Variants in ASB2 observed in about 807,000 individuals in gnomAD.
The protein encoded by ASB2 is ankyrin repeat and SOCS box containing 2.
Under a neutral mutation model 62.4 loss-of-function variants are expected in ASB2, and 58 were observed. That is an observed-to-expected ratio of 0.93 (90% CI 0.75 to 1.16). ASB2 has a LOEUF of 1.16. Among genes scored for constraint, ASB2 ranks in the 50% most tolerant of loss-of-function variants. ASB2 has a pLI of 0.00. For missense variants in ASB2, 928 were observed against 887.9 expected (o/e 1.05, Z -0.57); for synonymous variants, 386 against 385.3 (o/e 1.00, Z -0.02).
intron 1 of ASB2, among the ~76,000 whole-genome samples, chr14:93,971,289 C>T (rs116395202): frequency 3.0e-3 from 448 of 151,610 alleles, no homozygotes; most frequent in African/African-American, 0.01. Context: ...GGGATCTCCA[C>T]GCCCTCCCCC....
chr14:93,949,510 T>A (rs1197638656), intron 6 of ASB2, among the ~76,000 whole-genome samples: 1 of 152,204 alleles, frequency 6.6e-6, no homozygotes, highest in African/African-American at 2.4e-5. Flanking sequence ...GCTCAGCAAA[T>A]GCCAGTTGCT....
intron 2 of ASB2, among the ~76,000 whole-genome samples, chr14:93,962,964 C>A (rs147203873): frequency 2.0e-5 from 3 of 152,200 alleles, no homozygotes; most frequent in Admixed American, 6.5e-5. Flanking sequence ...CAGAATGGAA[C>A]GTCCTCGGGG....
intron 1 of ASB2, among the ~76,000 whole-genome samples, chr14:93,965,695 T>A (rs1889567603): frequency 6.6e-6 from 1 of 152,206 alleles, no homozygotes; most frequent in Non-Finnish European, 1.5e-5. Flanking sequence ...GTGCATTACT[T>A]TGATTTGTTC....
intron 8 of ASB2, among the ~76,000 whole-genome samples, chr14:93,938,302 C>T (rs1303900238): frequency 3.7e-5 from 5 of 136,480 alleles, no homozygotes; most frequent in East Asian, 2.4e-4. Context: ...TGCAGTGGCG[C>T]GATCTCGGCT....
At chr14:93,959,113 G>C (rs561308369) in intron 2 of ASB2, among the ~76,000 whole-genome samples, 1 of 152,196 alleles carries the variant, frequency 6.6e-6, no homozygotes, top group African/African-American at 2.4e-5. Context: ...CGGGTGTGCT[G>C]TTCCCATTTT....
chr14:93,939,318 G>A lies in ASB2; in HGVS notation c.1407C>T (p.Ala469=). 4 of 1,610,736 alleles carry A rather than the reference G, an allele frequency of 2.5e-6. No individual in the cohort carries two copies. The highest frequency in any genetic ancestry group is 3.4e-6 in the Non-Finnish European group (4 of 1,177,972). Residue 469 remains alanine, a synonymous_variant, in exon 8 of 10, where the codon GCC becomes GCT. Transcript: ENST00000555019. ...LLLDHGANID[A]YIATHPTAFP... ...AGGCGGTGGGGTGCGTGGCGATATA[G>A]GCGTCGATGTTCGCGCCGTGGTCCA...
chr14:93,963,256 C>T (rs954173344), intron 2 of ASB2, among the ~76,000 whole-genome samples: 25 of 152,180 alleles, frequency 1.6e-4, no homozygotes, highest in African/African-American at 5.8e-4. Flanking sequence ...AGTGACTTGC[C>T]TGAGGTCACG....
At chr14:93,944,418 C>T (rs569771080) in intron 7 of ASB2, among the ~76,000 whole-genome samples, 13 of 152,388 alleles carry the variant, frequency 8.5e-5, no homozygotes, top group South Asian at 8.3e-4. Context: ...AGTGTGCTGA[C>T]GAGAAGACAC....
In ASB2 at chr14:93,941,762, C is replaced by T. The variant is rs181789034; in HGVS notation, c.1053-2090G>A. The T allele has an allele frequency of 9.9e-4, 443 of 447,100 alleles. 2 individuals are homozygous for T. The highest frequency in any genetic ancestry group is 7.1e-3 in the African/African-American group (354 of 49,802). 27.7% of individuals were successfully genotyped at this position (447,100 alleles called of 1,614,324 possible). A position where few individuals can be genotyped will look rare whatever the true frequency, so the allele number is the denominator to read the frequency against. On this transcript the variant is annotated intron_variant, in intron 7 of 9. Transcript: ENST00000555019. ...TCTCTGGCAGGTCACAGCTGGTCTC[C>T]GGCAGTTCTCCACGAACCAAGGGAA...
At chr14:93,948,955 A>G (rs1479394806) in intron 6 of ASB2, among the ~76,000 whole-genome samples, 1 of 152,184 alleles carries the variant, frequency 6.6e-6, no homozygotes, top group Non-Finnish European at 1.5e-5. Context: ...CAAAAACAAA[A>G]CAAAACCCAG....
rs772675665 is a variant in ASB2, at chr14:93,939,356, T to C, written c.1369A>G (p.Met457Val). ...GCGCCGTGGTCCAGCAGCAGCTGCA[T>C]TGTGCGCAGGCAGCCGTGGCGGATG... The part of the protein sequence containing the change: ...VAIRHGCLRT[M>V]QLLLDHGANI... The change falls in exon 8 of 10, where the codon ATG becomes GTG. Residue 457 changes from methionine to valine, a missense_variant. Transcript: ENST00000555019. The C allele has an allele frequency of 6.8e-6, 11 of 1,612,526 alleles. No homozygotes were observed. The highest frequency in any genetic ancestry group is 8.5e-6 in the Non-Finnish European group (10 of 1,179,670).
chr14:93,958,239 C>T (rs551812677), intron 2 of ASB2, among the ~76,000 whole-genome samples: 5 of 152,350 alleles, frequency 3.3e-5, no homozygotes, highest in South Asian at 2.1e-4. Flanking sequence ...GGCAGGACAC[C>T]GCCTGCATGT....
chr14:93,950,190 A>C (rs995590521), intron 6 of ASB2, among the ~76,000 whole-genome samples: 23 of 152,216 alleles, frequency 1.5e-4, no homozygotes, highest in African/African-American at 5.5e-4. Flanking sequence ...CAAGTCCTCA[A>C]CAGATTCCTA....
chr14:93,968,187 G>A (rs1247207230), intron 1 of ASB2: 2 of 152,132 alleles, frequency 1.3e-5, no homozygotes, highest in Non-Finnish European at 2.9e-5. Flanking sequence ...CACCAATCCC[G>A]AAGCTAATTC....
intron 7 of ASB2, 45 bp downstream of exon 7, chr14:93,947,304 G>C (rs1426066866): frequency 1.2e-6 from 2 of 1,603,542 alleles, no homozygotes; most frequent in Admixed American, 3.3e-5. Context: ...CTCCCAGTGT[G>C]GGCCTCGGGA....
intron 2 of ASB2, among the ~76,000 whole-genome samples, chr14:93,959,160 C>T (rs1046141919): frequency 6.6e-6 from 1 of 152,204 alleles, no homozygotes; most frequent in Non-Finnish European, 1.5e-5. Flanking sequence ...TTCCATTCAA[C>T]AAAGAGTTCC....
rs550749683 is a variant in ASB2, at chr14:93,940,867, C to T, written c.1053-1195G>A. Among the ~76,000 whole-genome samples the T allele has an allele frequency of 1.8e-3, 270 of 152,294 alleles. 1 individual carries two copies. Among genetic ancestry groups the T allele is most frequent in the African/African-American group, 6.2e-3 (256 of 41,562 alleles). On this transcript the variant is annotated intron_variant, in intron 7 of 9. Transcript: ENST00000555019. ...GCCCAGAGAAGGTATGTGACTCCTC[C>T]AAGGATACACAGCCAGTAAGTGATG...
chr14:93,957,854 G>A (rs1398716360), intron 2 of ASB2, among the ~76,000 whole-genome samples: 2 of 152,170 alleles, frequency 1.3e-5, no homozygotes, highest in African/African-American at 4.8e-5. Context: ...ACCCCCAGTA[G>A]GTCAGGCCTG....
chr14:93,961,458 A>G (rs1426173606), intron 2 of ASB2, among the ~76,000 whole-genome samples: 1 of 152,212 alleles, frequency 6.6e-6, no homozygotes, highest in African/African-American at 2.4e-5. Flanking sequence ...CTGGAGGCGT[A>G]GGTTAATGGC....
Sources: gnomAD v4.1 joint callset for allele counts (sites outside exome capture counted in the v4.1 genomes callset) on GRCh38, gnomAD v4.1.1 for gene constraint, MANE v1.5 for transcripts, NCBI Gene and HGNC (gene_info 2026-07-23, HGNC 2026-07-21) for gene names.